Variants in RBX1 observed in about 807,000 individuals in gnomAD.
RBX1 encodes the protein E3 ubiquitin-protein ligase RBX1.
For synonymous variants in RBX1, 48 were observed against 47.9 expected (o/e 1.00, Z -0.01); for missense variants, 46 against 141.4 (o/e 0.33, Z 3.42).
intron 3 of RBX1, chr22:40,966,834 A>G (rs775844671): frequency 3.3e-5 from 5 of 152,202 alleles, no homozygotes; most frequent in Non-Finnish European, 7.3e-5. Context: ...CAGTGCACCA[A>G]TCACAGACGA....
At chr22:40,954,130 G>A (rs993247587) in intron 2 of RBX1, among the ~76,000 whole-genome samples, 3 of 152,116 alleles carry the variant, frequency 2.0e-5, no homozygotes, top group Admixed American at 6.6e-5. Flanking sequence ...TTAGCTGGGC[G>A]TACTGGTGCA....
chr22:40,952,168 G>A (rs555577477), intron 1 of RBX1, among the ~76,000 whole-genome samples: 57 of 152,312 alleles, frequency 3.7e-4, no homozygotes, highest in Middle Eastern at 3.4e-3. Context: ...AACTTGTTAA[G>A]AAAATCCGAG....
intron 2 of RBX1, among the ~76,000 whole-genome samples, chr22:40,963,694 C>A (rs531097192): frequency 6.6e-6 from 1 of 152,056 alleles, no homozygotes; most frequent in Non-Finnish European, 1.5e-5. Flanking sequence ...ACAAAAAATA[C>A]AAACAATTAG....
intron 2 of RBX1, among the ~76,000 whole-genome samples, chr22:40,960,876 A>G (rs1366179655): frequency 6.6e-6 from 1 of 152,036 alleles, no homozygotes; most frequent in Non-Finnish European, 1.5e-5. Flanking sequence ...CTCCTGCCTC[A>G]GCCTCTCTAG....
chr22:40,968,346 C>T (rs1831347020), intron 4 of RBX1, among the ~76,000 whole-genome samples: 1 of 152,140 alleles, frequency 6.6e-6, no homozygotes. Context: ...CTGCCTCGGT[C>T]TCCCAAAGTG....
Position 40,952,026 on chromosome 22 carries a change from G to A in RBX1, c.78+550G>A, listed in dbSNP as rs111813891. On this transcript the variant is annotated intron_variant, in intron 1 of 4. Coordinates refer to ENST00000216225, the MANE Select transcript of RBX1 (RefSeq NM_014248.4). ...GCTGAACCGAGGCCTCACACTGCCTGGTTAGAGTCTGGAGTGTAATGCTTG... is the reference window on the plus strand; with the variant it reads ...GCTGAACCGAGGCCTCACACTGCCTAGTTAGAGTCTGGAGTGTAATGCTTG... Among the ~76,000 whole-genome samples, 157 of 152,228 alleles carry A rather than the reference G, an allele frequency of 1.0e-3. 3 individuals are homozygous for A. Among genetic ancestry groups the A allele is most frequent in the African/African-American group, 3.7e-3 (154 of 41,514 alleles).
chr22:40,957,602 C>T (rs1010818728), intron 2 of RBX1, among the ~76,000 whole-genome samples: 1 of 152,200 alleles, frequency 6.6e-6, no homozygotes, highest in Non-Finnish European at 1.5e-5. Context: ...TTTGCCACTG[C>T]ACTCCAGCCT....
chr22:40,954,785 G>A (rs775574906), intron 2 of RBX1, among the ~76,000 whole-genome samples: 5 of 151,076 alleles, frequency 3.3e-5, no homozygotes, highest in Non-Finnish European at 5.9e-5. Flanking sequence ...CCATGGCCCC[G>A]GCCAGTTTTC....
intron 3 of RBX1, among the ~76,000 whole-genome samples, chr22:40,965,838 G>A (rs1472321028): frequency 6.6e-6 from 1 of 152,208 alleles, no homozygotes; most frequent in African/African-American, 2.4e-5. Flanking sequence ...AGCTTTAATC[G>A]TTCATGGGGA....
Position 40,955,485 on chromosome 22 carries a change from A to G in RBX1, c.157+1852A>G, listed in dbSNP as rs533409286. Among the ~76,000 whole-genome samples the G allele has an allele frequency of 2.6e-5, 4 of 152,112 alleles. No homozygotes were observed. In the East Asian group the frequency reaches 7.7e-4, roughly 29 times the overall value. ...ATTTTATTTAACCTTATATAGTCAA[A>G]ATAGTTTTACTTCAACATGTAATTG... is the stretch of plus-strand genomic sequence containing the variant. On this transcript the variant is annotated intron_variant, in intron 2 of 4. Transcript: ENST00000216225.
chr22:40,961,467 G>A (rs1029181627), intron 2 of RBX1, among the ~76,000 whole-genome samples: 16 of 151,672 alleles, frequency 1.1e-4, no homozygotes, highest in African/African-American at 3.4e-4. Flanking sequence ...AGGCTGGAGC[G>A]CAGTGGTGCG....
intron 3 of RBX1, chr22:40,967,241 A>G (rs12166456): frequency 0.044 from 6,772 of 152,418 alleles, 487 homozygotes; most frequent in African/African-American, 0.15. Flanking sequence ...AAATCTAGAA[A>G]TAAAGTTTCT....
chr22:40,957,605 TCCAGCC>T (rs2058329205), intron 2 of RBX1, among the ~76,000 whole-genome samples: 1 of 152,072 alleles, frequency 6.6e-6, no homozygotes, highest in Non-Finnish European at 1.5e-5. Flanking sequence ...GCCACTGCAC[TCCAGCC>T]TAGGTGAGAG....
chr22:40,957,073 C>T lies in RBX1; in HGVS notation c.157+3440C>T, dbSNP rs1044715705. On this transcript the variant is annotated intron_variant, in intron 2 of 4. Transcript: ENST00000216225. ...AAAAGAAACATACTCTTAGGCGGGGCGCGGTGGCTCATGCCTGTAATCCCA... is the reference window on the plus strand; with the variant it reads ...AAAAGAAACATACTCTTAGGCGGGGTGCGGTGGCTCATGCCTGTAATCCCA... Among the ~76,000 whole-genome samples the T allele has an allele frequency of 2.6e-5, 4 of 151,306 alleles. No individual in the cohort carries two copies. In the East Asian group the frequency reaches 5.9e-4, roughly 22 times the overall value.
Position 40,951,413 on chromosome 22 carries a change from G to A in RBX1, c.15G>A (p.Met5Ile). 1 of 1,613,032 alleles carries A rather than the reference G, an allele frequency of 6.2e-7. No homozygotes were observed. Among genetic ancestry groups the A allele is most frequent in the Non-Finnish European group, 8.5e-7 (1 of 1,179,428 alleles). The stretch of plus-strand genomic sequence containing the variant: ...GTGTTTCCAAAATGGCGGCAGCGAT[G>A]GATGTGGATACCCCGAGCGGCACCA... MAAA[M>I]DVDTPSGTNS... is the part of the protein sequence containing the mutation. The change falls in exon 1 of 5, where the codon ATG (methionine) becomes ATA (isoleucine). Residue 5 changes from methionine to isoleucine, a missense_variant. Met to Ile is a conservative substitution (Grantham distance 10). Transcript: ENST00000216225.
intron 3 of RBX1, 155 bp downstream of exon 3, chr22:40,964,272 T>C: frequency 5.3e-6 from 3 of 565,180 alleles, no homozygotes; most frequent in Non-Finnish European, 9.5e-6. Flanking sequence ...ATCATAATAC[T>C]ATTCACCTGT....
At chr22:40,959,422 T>C (rs2058333984) in intron 2 of RBX1, among the ~76,000 whole-genome samples, 1 of 152,366 alleles carries the variant, frequency 6.6e-6, no homozygotes, top group African/African-American at 2.4e-5. Flanking sequence ...TAATATTTAA[T>C]CATTTTCCCT....
At chr22:40,958,318 AAAG>A (rs2146298647) in intron 2 of RBX1, among the ~76,000 whole-genome samples, 1 of 152,230 alleles carries the variant, frequency 6.6e-6, no homozygotes, top group Non-Finnish European at 1.5e-5. Context: ...AAAAAAAAAA[AAAG>A]GATTTATATG....
At chr22:40,958,787 T>A (rs950315063) in intron 2 of RBX1, among the ~76,000 whole-genome samples, 2 of 148,150 alleles carry the variant, frequency 1.3e-5, no homozygotes, top group African/African-American at 4.9e-5. Context: ...TGGTTTGGTT[T>A]GGTTTGGTTT....
Sources: allele counts gnomAD v4.1 joint callset (sites outside exome capture counted in the v4.1 genomes callset), GRCh38; gene constraint gnomAD v4.1.1; transcripts MANE v1.5; gene names NCBI Gene and HGNC (gene_info 2026-07-23, HGNC 2026-07-21).